The following NRG3 variants were observed in gnomAD, a reference collection of about 807,000 sequenced individuals.
The protein encoded by NRG3 is pro-neuregulin-3, membrane-bound isoform.
In NRG3, 31 loss-of-function variants were observed where a neutral mutation model predicts 66.9. The observed-to-expected ratio is 0.46, with a 90% CI of 0.35 to 0.63. The LOEUF (loss-of-function observed/expected upper bound fraction) is 0.63. NRG3 is among the 20% of genes least tolerant of loss of function. NRG3 has a pLI of 0.00. For synonymous variants in NRG3, 393 were observed against 359.4 expected (o/e 1.09, Z -1.06); for missense variants, 910 against 878.9 (o/e 1.04, Z -0.45).
intron 1 of NRG3, among the ~76,000 whole-genome samples, chr10:81,887,266 C>T (rs1842685805): frequency 6.6e-6 from 1 of 152,076 alleles, no homozygotes; most frequent in Admixed American, 6.6e-5. Context: ...GAGTTTCTTA[C>T]TCTGGGCCTT....
chr10:82,387,472 T>C (rs1452053576), intron 2 of NRG3, among the ~76,000 whole-genome samples: 2 of 152,222 alleles, frequency 1.3e-5, no homozygotes, highest in Non-Finnish European at 2.9e-5. Flanking sequence ...GTGGGCGTTA[T>C]AACATTCTTG....
chr10:82,942,744 C>T (rs1164004360), intron 4 of NRG3, among the ~76,000 whole-genome samples: 3 of 152,174 alleles, frequency 2.0e-5, no homozygotes, highest in Non-Finnish European at 4.4e-5. Context: ...GTTTCACCAC[C>T]AGCTGTAACT....
At chr10:82,242,958 G>C (rs145343669) in intron 1 of NRG3, among the ~76,000 whole-genome samples, 1 of 152,150 alleles carries the variant, frequency 6.6e-6, no homozygotes, top group Non-Finnish European at 1.5e-5. Context: ...AGGACTTCCC[G>C]TTAGGGCTCG....
At chr10:82,751,411 G>A (rs1452346662) in intron 3 of NRG3, among the ~76,000 whole-genome samples, 1 of 152,030 alleles carries the variant, frequency 6.6e-6, no homozygotes, top group Non-Finnish European at 1.5e-5. Context: ...TTAAATATTG[G>A]GCATAACCCA....
intron 3 of NRG3, among the ~76,000 whole-genome samples, chr10:82,762,752 G>C (rs1349153596): frequency 2.0e-5 from 3 of 152,114 alleles, no homozygotes; most frequent in Non-Finnish European, 2.9e-5. Context: ...ACTATATCCT[G>C]TACCAAGCTT....
At chr10:82,411,845 G>T (rs1236390915) in intron 2 of NRG3, among the ~76,000 whole-genome samples, 1 of 152,044 alleles carries the variant, frequency 6.6e-6, no homozygotes, top group Non-Finnish European at 1.5e-5. Context: ...CCATATCTTA[G>T]GTTTTAGGTA....
chr10:82,561,993 C>G (rs900659641), intron 2 of NRG3, among the ~76,000 whole-genome samples: 2 of 152,156 alleles, frequency 1.3e-5, no homozygotes, highest in African/African-American at 4.8e-5. Flanking sequence ...TACTTCTTTT[C>G]TCTTAAAGTG....
chr10:82,214,423 A>AG (rs1383064323), intron 1 of NRG3, among the ~76,000 whole-genome samples: 1 of 152,114 alleles, frequency 6.6e-6, no homozygotes, highest in African/African-American at 2.4e-5. Flanking sequence ...ATGGTGAGGA[A>AG]GGCAGGTAAT....
chr10:82,166,843 CTT>C (rs1244539764), intron 1 of NRG3: 1 of 653,886 alleles, frequency 1.5e-6, no homozygotes, highest in Admixed American at 2.1e-5. Context: ...CTGAAACAGT[CTT>C]TATTTATCTT....
At chr10:82,175,663 T>C (rs2072972637) in intron 1 of NRG3, among the ~76,000 whole-genome samples, 1 of 152,196 alleles carries the variant, frequency 6.6e-6, no homozygotes, top group Non-Finnish European at 1.5e-5. Flanking sequence ...ATTATGTGGT[T>C]AGCTGTTCAC....
chr10:82,298,851 G>T (rs753407423), intron 1 of NRG3, among the ~76,000 whole-genome samples: 2 of 152,138 alleles, frequency 1.3e-5, no homozygotes, highest in South Asian at 2.1e-4. Context: ...ATGTTTTGAG[G>T]AGAGGAATGT....
In NRG3 at chr10:82,405,454, G is replaced by GTTTTTTT. The variant is rs779040062; in HGVS notation, c.953+46589_953+46590insTTTTTTT. 4.9e-4 allele frequency among the ~76,000 whole-genome samples: 68 copies of GTTTTTTT among 139,938 alleles called. 9 individuals are homozygous for GTTTTTTT. Among genetic ancestry groups the GTTTTTTT allele is most frequent in the East Asian group, 1.1e-3 (5 of 4,502 alleles). 91.8% of individuals were successfully genotyped at this position (139,938 alleles called of 152,430 possible). A position where few individuals can be genotyped will look rare whatever the true frequency, so the allele number is the denominator to read the frequency against. On this transcript the variant is annotated intron_variant, in intron 2 of 8. Coordinates refer to ENST00000372141, the MANE Select transcript of NRG3 (RefSeq NM_001010848.4). ...TTCTATCTTTGGAATGATCTCAGTA[G>GTTTTTTT]TTTGTTTTTTTTTTTTTTGAAATGG... is the stretch of plus-strand genomic sequence containing the variant.
chr10:82,450,049 A>G (rs2090944814), intron 2 of NRG3, among the ~76,000 whole-genome samples: 1 of 152,194 alleles, frequency 6.6e-6, no homozygotes. Flanking sequence ...GACAGAGTGG[A>G]GTGGTCTGTA....
At chr10:82,429,041 T>C (rs1224746571) in intron 2 of NRG3, among the ~76,000 whole-genome samples, 1 of 152,004 alleles carries the variant, frequency 6.6e-6, no homozygotes, top group Non-Finnish European at 1.5e-5. Context: ...TTGCTTAGTT[T>C]TTGTCCAGGG....
intron 6 of NRG3, among the ~76,000 whole-genome samples, chr10:82,960,061 G>T (rs1269156369): frequency 1.3e-5 from 2 of 152,160 alleles, no homozygotes; most frequent in African/African-American, 4.8e-5. Context: ...CCCTCCAAAT[G>T]CTTCAATCAC....
At chr10:82,785,235 A>G (rs1026116924) in intron 3 of NRG3, among the ~76,000 whole-genome samples, 7 of 152,010 alleles carry the variant, frequency 4.6e-5, no homozygotes, top group East Asian at 1.9e-4. Context: ...GGATAGCATT[A>G]GGAGATATAC....
At chr10:82,018,983 G>A (rs1050490965) in intron 1 of NRG3, among the ~76,000 whole-genome samples, 1 of 152,150 alleles carries the variant, frequency 6.6e-6, no homozygotes, top group Non-Finnish European at 1.5e-5. Flanking sequence ...TTGAATAGGA[G>A]TGGTGAGAGA....
intron 1 of NRG3, among the ~76,000 whole-genome samples, chr10:82,098,957 G>A (rs928598754): frequency 6.6e-6 from 1 of 152,052 alleles, no homozygotes; most frequent in African/African-American, 2.4e-5. Flanking sequence ...AGTAGAGATG[G>A]GGTTTCACCG....
chr10:82,337,972 G>C (rs1312406927), intron 1 of NRG3, among the ~76,000 whole-genome samples: 1 of 152,148 alleles, frequency 6.6e-6, no homozygotes, highest in African/African-American at 2.4e-5. Context: ...GTTAAGCCAA[G>C]AGTCAAATAA....
Sources: allele counts gnomAD v4.1 joint callset (sites outside exome capture counted in the v4.1 genomes callset), GRCh38; gene constraint gnomAD v4.1.1; transcripts MANE v1.5; gene names NCBI Gene and HGNC (gene_info 2026-07-23, HGNC 2026-07-21).